Variants in LLGL2 observed in about 807,000 individuals in gnomAD.
LLGL2 encodes LLGL2, scribble cell polarity complex component.
In LLGL2, 81 loss-of-function variants were observed where a neutral mutation model predicts 123.2. That is an observed-to-expected ratio of 0.66 (90% CI 0.55 to 0.79). The LOEUF (loss-of-function observed/expected upper bound fraction) is 0.79, where lower values mean the gene tolerates loss of function less well. Ranked by LOEUF, LLGL2 falls within the 30% of genes least tolerant of loss-of-function variation. The probability of loss-of-function intolerance (pLI) is 0.00; values close to 1 mark genes in which losing one functional copy is unlikely to be tolerated. For missense variants in LLGL2, 1,273 were observed against 1,414.6 expected, an observed-to-expected ratio of 0.90 and a Z score of 1.61; for synonymous variants, 577 against 594.1, an observed-to-expected ratio of 0.97 and a Z score of 0.42.
chr17:75,547,379 G>A (rs991805298), intron 2 of LLGL2, among the ~76,000 whole-genome samples: 3 of 152,196 alleles, frequency 2.0e-5, no homozygotes, highest in African/African-American at 7.2e-5. Context: ...GTCTAGATGC[G>A]GGCTCTGATG....
At chr17:75,557,034 C>CTTTTTT (rs55649536) in intron 3 of LLGL2, among the ~76,000 whole-genome samples, 44 of 109,870 alleles carry the variant, frequency 4.0e-4, no homozygotes, top group African/African-American at 1.4e-3. Context: ...GTCTCAAAAA[C>CTTTTTT]TTTTTTTTTT....
intron 2 of LLGL2, among the ~76,000 whole-genome samples, chr17:75,547,645 C>T (rs971351200): frequency 3.9e-5 from 6 of 151,958 alleles, no homozygotes; most frequent in Non-Finnish European, 8.8e-5. Flanking sequence ...GCCAACATGG[C>T]GAAACCCCAT....
At chr17:75,525,411 G>C (rs889164573), upstream of LLGL2, among the ~76,000 whole-genome samples, 7 of 152,216 alleles carry the variant, frequency 4.6e-5, no homozygotes, top group Non-Finnish European at 1.0e-4. The surrounding 1 kb of genome is among the most constrained non-coding windows in gnomAD (Gnocchi z 4.8). Flanking sequence ...AGGCGTTCCG[G>C]GAACTATTTC....
At chr17:75,573,686 C>T in intron 21 of LLGL2, 55 bp downstream of exon 21, 1 of 1,465,986 alleles carries the variant, frequency 6.8e-7, no homozygotes, top group Non-Finnish European at 9.1e-7. Context: ...CCTGCCCTCT[C>T]TGAGATACCG....
In LLGL2 at chr17:75,570,032, CA is replaced by C; in HGVS notation, c.1652del (p.Gln551ArgfsTer173). The C allele has an allele frequency of 1.2e-6, 2 of 1,612,386 alleles. No homozygotes were observed. The highest frequency in any genetic ancestry group is 1.7e-6 in the Non-Finnish European group (2 of 1,179,590). On this transcript the variant is annotated frameshift_variant, in exon 15 of 26. Transcript: ENST00000392550. LOFTEE classifies it high-confidence loss of function. ...GGAGCAGGTGGAGGCCGACCTGCTG[CA>C]GGACCAAGAGGGCTACCGCTGGAAG... The part of the protein sequence containing the change: ...AVEQVEADLL[Q>X]DQEGYRWKGH...
In LLGL2 at chr17:75,559,314, A is replaced by T; in HGVS notation, c.434A>T (p.Tyr145Phe). The change falls in exon 6 of 26, where the codon TAC becomes TTC. Residue 145 changes from tyrosine to phenylalanine, a missense_variant. Tyr to Phe is a conservative substitution (Grantham distance 22, BLOSUM62 3). Coordinates refer to ENST00000392550, the MANE Select transcript of LLGL2 (RefSeq NM_001031803.2). This position sits in a 1 kb window ranked among gnomAD's most constrained non-coding sequence, Gnocchi z 4.6. ...CCACATTCCTCCTGCGAGCTGCTCT[A>T]CCTGGGCACCGAGAGTGGCAACGTG... ...VLPHSSCELLYLGTESGNVFV... is the reference protein window; with the variant it reads ...VLPHSSCELLFLGTESGNVFV... The T allele has an allele frequency of 6.2e-7, 1 of 1,613,420 alleles. No individual in the cohort carries two copies. The highest frequency in any genetic ancestry group is 8.5e-7 in the Non-Finnish European group (1 of 1,179,936).
intron 2 of LLGL2, among the ~76,000 whole-genome samples, chr17:75,552,862 T>C (rs942733257): frequency 6.6e-6 from 1 of 152,172 alleles, no homozygotes; most frequent in Admixed American, 6.5e-5. Context: ...ATGGCTACCG[T>C]TCTGGGCAGC....
intron 15 of LLGL2, 35 bp downstream of exon 15, chr17:75,570,290 T>A: frequency 6.3e-7 from 1 of 1,597,818 alleles, no homozygotes. Context: ...GGGCTGGGAG[T>A]GGGGCCCGCG....
intron 1 of LLGL2, among the ~76,000 whole-genome samples, chr17:75,534,225 C>A (rs1194096532): frequency 1.3e-5 from 2 of 152,258 alleles, no homozygotes; most frequent in Non-Finnish European, 2.9e-5. Context: ...TGCGTTCCCA[C>A]CTTCCACCCC....
At chr17:75,538,026 G>T (rs1345880047) in intron 1 of LLGL2, among the ~76,000 whole-genome samples, 1 of 152,158 alleles carries the variant, frequency 6.6e-6, no homozygotes, top group Non-Finnish European at 1.5e-5. Flanking sequence ...GGCCAAGCTA[G>T]TCTCAAACTC....
intron 17 of LLGL2, 88 bp downstream of exon 17, chr17:75,571,188 C>T: frequency 7.6e-7 from 1 of 1,308,164 alleles, no homozygotes; most frequent in Non-Finnish European, 1.1e-6. Context: ...CTGCTGCCTG[C>T]CTGGCTGGTA....
intron 1 of LLGL2, among the ~76,000 whole-genome samples, chr17:75,540,673 T>C (rs1195165811): frequency 6.6e-6 from 1 of 152,238 alleles, no homozygotes; most frequent in African/African-American, 2.4e-5. Context: ...CCATCACTGC[T>C]ACCCACAGCC....
Position 75,568,577 on chromosome 17 carries a change from G to C in LLGL2, c.1138G>C (p.Ala380Pro). 1 of 1,613,912 alleles carries C rather than the reference G, an allele frequency of 6.2e-7. No individual in the cohort carries two copies. The highest frequency in any genetic ancestry group is 8.5e-7 in the Non-Finnish European group (1 of 1,180,020). ...GWPPVQLPYL[A>P]SLHCSAITCS... Reference sequence around the variant, plus strand: ...GCCACCGGTCCAGCTGCCCTACCTGGCTTCTCTGCACTGTTCCGCCATCAC... The same window carrying C: ...GCCACCGGTCCAGCTGCCCTACCTGCCTTCTCTGCACTGTTCCGCCATCAC... The change falls in exon 11 of 26, where the codon GCT becomes CCT. Residue 380 changes from alanine to proline, a missense_variant. By Grantham distance (27) the Ala-to-Pro change is conservative. Coordinates refer to ENST00000392550, the MANE Select transcript of LLGL2 (RefSeq NM_001031803.2).
At chr17:75,527,430 C>T (rs970793781) in intron 1 of LLGL2, among the ~76,000 whole-genome samples, 6 of 152,060 alleles carry the variant, frequency 3.9e-5, no homozygotes, top group Admixed American at 6.6e-5. Context: ...ACAGGGTTTC[C>T]GGGGTCCAGG....
chr17:75,563,833 C>T (rs750766232), intron 9 of LLGL2, 27 bp downstream of exon 9: 5 of 1,611,234 alleles, frequency 3.1e-6, no homozygotes, highest in East Asian at 2.2e-5. Context: ...GTCCTCTTTC[C>T]TCTCCAGAGC....
chr17:75,556,227 C>T (rs1216289812), intron 3 of LLGL2, 84 bp downstream of exon 3: 37 of 1,083,938 alleles, frequency 3.4e-5, no homozygotes, highest in East Asian at 1.9e-4. Context: ...CTTCCTTGCC[C>T]GTGGGCTGTT....
At chr17:75,531,350 G>A (rs1470921612) in intron 1 of LLGL2, among the ~76,000 whole-genome samples, 2 of 152,168 alleles carry the variant, frequency 1.3e-5, no homozygotes, top group African/African-American at 2.4e-5. Flanking sequence ...AGTTTCCCCG[G>A]GGAGCTATTC....
intron 1 of LLGL2, among the ~76,000 whole-genome samples, chr17:75,541,065 TTGGG>T (rs1287938483): frequency 6.6e-6 from 1 of 152,176 alleles, no homozygotes; most frequent in Non-Finnish European, 1.5e-5. Context: ...CAGGGAGCAT[TTGGG>T]TGGGTGGGTG....
Position 75,564,328 on chromosome 17 carries a change from A to G in LLGL2, c.882-25A>G. ...GAGGCTGTGCCAGGAGCCCCAGCCC[A>G]CTGCCGCTCCTCTGTGCCTGCCAGG... is the stretch of plus-strand genomic sequence containing the variant. On this transcript the variant is annotated intron_variant, in intron 9 of 25. Transcript: ENST00000392550. The surrounding 1 kb of genome is among the most constrained non-coding windows in gnomAD (Gnocchi z 4.9). The G allele has an allele frequency of 1.3e-6, 2 of 1,587,038 alleles. No individual in the cohort carries two copies. Among genetic ancestry groups the G allele is most frequent in the Non-Finnish European group, 1.7e-6 (2 of 1,167,800 alleles).
Sources: gnomAD v4.1 joint callset for allele counts (sites outside exome capture counted in the v4.1 genomes callset) on GRCh38, gnomAD v4.1.1 for gene constraint, Gnocchi (gnomAD v3.1) non-coding constraint, MANE v1.5 for transcripts, NCBI Gene and HGNC (gene_info 2026-07-23, HGNC 2026-07-21) for gene names.